TAFA4: variants seen among roughly 807,000 people sequenced by gnomAD.
The protein encoded by TAFA4 is TAFA chemokine like family member 4.
Under a neutral mutation model 21.1 loss-of-function variants are expected in TAFA4, and 20 were observed. That is an observed-to-expected ratio of 0.95 (90% CI 0.67 to 1.38). The LOEUF is 1.38. Among genes scored for constraint, TAFA4 ranks in the 40% most tolerant of loss-of-function variants. TAFA4 has a pLI of 0.00. For missense variants in TAFA4, 211 were observed against 180.9 expected, an observed-to-expected ratio of 1.17 and a Z score of -0.95; for synonymous variants, 71 against 67.4, an observed-to-expected ratio of 1.05 and a Z score of -0.26.
intron 3 of TAFA4, among the ~76,000 whole-genome samples, chr3:68,771,490 C>T (rs751354019): frequency 7.9e-5 from 12 of 152,222 alleles, no homozygotes; most frequent in Non-Finnish European, 1.5e-4. Context: ...ATATGAGCCA[C>T]ACCCTGTCGC....
intron 1 of TAFA4, among the ~76,000 whole-genome samples, chr3:68,922,905 T>C (rs938304996): frequency 7.9e-5 from 12 of 152,168 alleles, no homozygotes; most frequent in Admixed American, 6.5e-5. Flanking sequence ...TGTAAAAGGA[T>C]TAACTAACAT....
chr3:68,875,092 C>A (rs1043209450), intron 3 of TAFA4, among the ~76,000 whole-genome samples: 1 of 152,118 alleles, frequency 6.6e-6, no homozygotes, highest in African/African-American at 2.4e-5. Context: ...ACAGTCCTTC[C>A]CAAGAGGTGG....
intron 3 of TAFA4, among the ~76,000 whole-genome samples, chr3:68,787,255 G>C (rs76489979): frequency 6.6e-6 from 1 of 151,870 alleles, no homozygotes; most frequent in Non-Finnish European, 1.5e-5. Context: ...AGTATTCAGC[G>C]GAGACTGAAA....
intron 4 of TAFA4, among the ~76,000 whole-genome samples, chr3:68,743,557 C>A (rs983107570): frequency 3.7e-5 from 5 of 135,032 alleles, no homozygotes; most frequent in Admixed American, 7.9e-5. Flanking sequence ...GCCTGGGTGA[C>A]AGAGCAAGAC....
At chr3:68,773,407 A>T (rs548298052) in intron 3 of TAFA4, among the ~76,000 whole-genome samples, 1 of 152,302 alleles carries the variant, frequency 6.6e-6, no homozygotes, top group East Asian at 1.9e-4. Flanking sequence ...TGTGTTCACC[A>T]ATCAGGAAGT....
At chr3:68,911,223 T>A (rs1000206786) in intron 1 of TAFA4, among the ~76,000 whole-genome samples, 1 of 152,176 alleles carries the variant, frequency 6.6e-6, no homozygotes, top group Non-Finnish European at 1.5e-5. Flanking sequence ...CATGATCCAT[T>A]TTTTTCCTAT....
intron 1 of TAFA4, among the ~76,000 whole-genome samples, chr3:68,893,402 C>G (rs553352993): frequency 6.6e-6 from 1 of 152,274 alleles, no homozygotes; most frequent in Non-Finnish European, 1.5e-5. Context: ...TATTTCTCTT[C>G]TACCCCAGCT....
chr3:68,740,374 T>G (rs1299662503), intron 4 of TAFA4, among the ~76,000 whole-genome samples: 1 of 152,222 alleles, frequency 6.6e-6, no homozygotes, highest in Non-Finnish European at 1.5e-5. Context: ...CATCTCTCCA[T>G]GCCATTCTAG....
chr3:68,811,630 A>G (rs934103636), intron 3 of TAFA4, among the ~76,000 whole-genome samples: 5 of 152,236 alleles, frequency 3.3e-5, no homozygotes, highest in Non-Finnish European at 7.3e-5. Context: ...GAGAAAAAAG[A>G]ATAAAAAGAA....
At chr3:68,740,953 A>T (rs1291201266) in intron 4 of TAFA4, among the ~76,000 whole-genome samples, 1 of 152,200 alleles carries the variant, frequency 6.6e-6, no homozygotes, top group East Asian at 1.9e-4. Flanking sequence ...CTAGTCAACT[A>T]TAAATGAATG....
chr3:68,922,061 T>C (rs902463304), intron 1 of TAFA4, among the ~76,000 whole-genome samples: 11 of 152,296 alleles, frequency 7.2e-5, no homozygotes, highest in Admixed American at 2.6e-4. Context: ...ATCATACTAT[T>C]TAGACAAGCT....
intron 1 of TAFA4, among the ~76,000 whole-genome samples, chr3:68,915,605 T>C (rs2089997920): frequency 6.6e-6 from 1 of 152,224 alleles, no homozygotes; most frequent in South Asian, 2.1e-4. Context: ...GAACTTTCAA[T>C]AGGCTTCAGA....
At chr3:68,768,817 T>C (rs1441231550) in intron 3 of TAFA4, among the ~76,000 whole-genome samples, 2 of 152,168 alleles carry the variant, frequency 1.3e-5, no homozygotes, top group South Asian at 4.1e-4. Context: ...GAAGACATTA[T>C]GTTAAATGAA....
At chr3:68,852,112 G>C (rs1704965383) in intron 3 of TAFA4, among the ~76,000 whole-genome samples, 1 of 152,188 alleles carries the variant, frequency 6.6e-6, no homozygotes, top group Non-Finnish European at 1.5e-5. Context: ...TGATGAAGAT[G>C]AGAAGAAATG....
chr3:68,818,838 A>C (rs1424441889), intron 3 of TAFA4, among the ~76,000 whole-genome samples: 2 of 152,266 alleles, frequency 1.3e-5, no homozygotes, highest in Non-Finnish European at 2.9e-5. Context: ...ACAGATAATC[A>C]TAATAATGAA....
At chr3:68,805,560 G>A (rs1359328216) in intron 3 of TAFA4, among the ~76,000 whole-genome samples, 2 of 152,174 alleles carry the variant, frequency 1.3e-5, no homozygotes, top group Non-Finnish European at 1.5e-5. Flanking sequence ...CAACCCAAAT[G>A]TCCAACAACG....
intron 3 of TAFA4, among the ~76,000 whole-genome samples, chr3:68,838,989 C>T (rs1010001120): frequency 1.3e-5 from 2 of 151,964 alleles, no homozygotes; most frequent in Non-Finnish European, 2.9e-5. Flanking sequence ...TCCCAGCTAC[C>T]CAGGAGGCTG....
intron 3 of TAFA4, among the ~76,000 whole-genome samples, chr3:68,768,169 A>G (rs1173065797): frequency 1.3e-5 from 2 of 152,170 alleles, no homozygotes; most frequent in African/African-American, 4.8e-5. Context: ...CAGAGTGAAG[A>G]GATGACCGCA....
At chr3:68,802,001 C>T (rs562330820) in intron 3 of TAFA4, among the ~76,000 whole-genome samples, 38 of 152,066 alleles carry the variant, frequency 2.5e-4, no homozygotes, top group African/African-American at 8.4e-4. Context: ...GCCAGCCACT[C>T]GTATCTTCAG....
Sources: allele counts gnomAD v4.1 joint callset (sites outside exome capture counted in the v4.1 genomes callset), GRCh38; gene constraint gnomAD v4.1.1; transcripts MANE v1.5; gene names NCBI Gene and HGNC (gene_info 2026-07-23, HGNC 2026-07-21).